The following SLC25A17 variants were observed in gnomAD, a reference collection of about 807,000 sequenced individuals.
SLC25A17 encodes the protein solute carrier family 25 member 17, also known as peroxisomal membrane protein PMP34.
In SLC25A17, 26 loss-of-function variants were observed where a neutral mutation model predicts 38.5. The ratio of observed to expected loss-of-function variants is 0.68; its 90% CI spans 0.50 to 0.94. The LOEUF (loss-of-function observed/expected upper bound fraction) is 0.94, where lower values mean the gene tolerates loss of function less well. Among genes scored for constraint, SLC25A17 ranks in the 40% least tolerant of loss-of-function variants. The pLI is 0.00. For synonymous variants in SLC25A17, 139 were observed against 136.2 expected (o/e 1.02, Z -0.14); for missense variants, 333 against 372.7 (o/e 0.89, Z 0.88).
Position 40,789,174 on chromosome 22 carries a change from T to C in SLC25A17, c.334+3351A>G, listed in dbSNP as rs891657150. On this transcript the variant is annotated intron_variant, in intron 4 of 8. Coordinates refer to ENST00000435456, the MANE Select transcript of SLC25A17 (RefSeq NM_006358.4). This position sits in a 1 kb window ranked among gnomAD's most constrained non-coding sequence, Gnocchi z 4.5. ...GCTCAGGAAAATTAGCTGTGGGGGA[T>C]GCCCAGCTGCTTGTAGCCACGGCCG... The C allele has an allele frequency of 1.6e-5, 4 of 257,290 alleles. No individual in the cohort carries two copies. Among genetic ancestry groups the C allele is most frequent in the East Asian group, 1.0e-4 (1 of 9,570 alleles). The allele number at this position is 257,290 out of a possible 1,614,324, so 15.9% of individuals were successfully genotyped here.
chr22:40,771,460 T>C (rs2057182567), intron 8 of SLC25A17, among the ~76,000 whole-genome samples: 3 of 152,324 alleles, frequency 2.0e-5, no homozygotes, highest in Admixed American at 6.5e-5. Context: ...GCAAGCTACA[T>C]GTCCATCAAC....
intron 1 of SLC25A17, among the ~76,000 whole-genome samples, chr22:40,805,362 AAGAT>A (rs1401840762): frequency 6.6e-6 from 1 of 152,268 alleles, no homozygotes; most frequent in Non-Finnish European, 1.5e-5. Flanking sequence ...GTCTCAAAAA[AAGAT>A]AGCAGAGGAA....
chr22:40,772,646 A>AT (rs1046183043), intron 8 of SLC25A17, among the ~76,000 whole-genome samples: 86 of 139,574 alleles, frequency 6.2e-4, no homozygotes, highest in East Asian at 4.2e-3. Context: ...TTTTTTTTTT[A>AT]TTTTTTTTAT....
chr22:40,807,889 T>C (rs1233324307), intron 1 of SLC25A17, among the ~76,000 whole-genome samples: 3 of 152,206 alleles, frequency 2.0e-5, no homozygotes, highest in African/African-American at 7.2e-5. Context: ...AGCTGTTACC[T>C]GAAGCAAAAT....
chr22:40,778,060 G>T (rs1249621479), intron 5 of SLC25A17, among the ~76,000 whole-genome samples: 2 of 152,116 alleles, frequency 1.3e-5, no homozygotes, highest in African/African-American at 2.4e-5. Context: ...TATTATACAG[G>T]ATTTGACTTT....
intron 4 of SLC25A17, among the ~76,000 whole-genome samples, chr22:40,790,639 G>A (rs1436021569): frequency 6.6e-6 from 1 of 152,178 alleles, no homozygotes; most frequent in Non-Finnish European, 1.5e-5. Flanking sequence ...GACAGAGAGA[G>A]TAACACAGGG....
At chr22:40,814,736 G>A (rs2057617644) in intron 1 of SLC25A17, among the ~76,000 whole-genome samples, 1 of 147,904 alleles carries the variant, frequency 6.8e-6, no homozygotes, top group Non-Finnish European at 1.5e-5. Flanking sequence ...GTAGGATGAG[G>A]AAAGGCAGTA....
intron 1 of SLC25A17, among the ~76,000 whole-genome samples, chr22:40,804,978 G>C (rs567816882): frequency 6.6e-6 from 1 of 151,452 alleles, no homozygotes; most frequent in East Asian, 1.9e-4. Context: ...AGGAAAGAAA[G>C]AGAAGGAAGG....
chr22:40,811,160 T>A (rs1195446320), intron 1 of SLC25A17, among the ~76,000 whole-genome samples: 1 of 152,046 alleles, frequency 6.6e-6, no homozygotes, highest in Non-Finnish European at 1.5e-5. Context: ...TGAATCCCTC[T>A]CTTTATTCTC....
At chr22:40,812,860 T>TA (rs1403577410) in intron 1 of SLC25A17, among the ~76,000 whole-genome samples, 1 of 151,926 alleles carries the variant, frequency 6.6e-6, no homozygotes, top group Non-Finnish European at 1.5e-5. Context: ...CAGTGAGACT[T>TA]AGTCTCAAAA....
Position 40,792,535 on chromosome 22 carries a change from C to G in SLC25A17, c.324G>C (p.Gly108=). ...AGAAAACCTTGTTACCTGCAACAAA[C>G]CCAACTACCAGATCTTTTCCAGTGG... is the stretch of plus-strand genomic sequence containing the variant. ...HSTTGKDLVV[G]FVAGVVNVLL... Residue 108 remains glycine, a synonymous_variant, in exon 4 of 9, where the codon GGG becomes GGC. Coordinates refer to ENST00000435456, the MANE Select transcript of SLC25A17 (RefSeq NM_006358.4). The G allele has an allele frequency of 6.2e-7, 1 of 1,608,836 alleles. No homozygotes were observed. Among genetic ancestry groups the G allele is most frequent in the Non-Finnish European group, 8.5e-7 (1 of 1,177,398 alleles).
chr22:40,813,153 A>C (rs1266134273), intron 1 of SLC25A17, among the ~76,000 whole-genome samples: 1 of 152,214 alleles, frequency 6.6e-6, no homozygotes, highest in Non-Finnish European at 1.5e-5. Flanking sequence ...TATATATTAC[A>C]TAAGTAACTT....
At chr22:40,814,072 G>C (rs544452893) in intron 1 of SLC25A17, 1 of 152,284 alleles carries the variant, frequency 6.6e-6, no homozygotes, top group East Asian at 1.9e-4. Flanking sequence ...CTCCATCTTA[G>C]AAAAAGACTC....
At chr22:40,781,852 G>A (rs1451800714) in intron 4 of SLC25A17, among the ~76,000 whole-genome samples, 2 of 152,056 alleles carry the variant, frequency 1.3e-5, no homozygotes, top group African/African-American at 2.4e-5. Flanking sequence ...AACCATTCGT[G>A]AGTACCAATT....
chr22:40,816,689 C>A (rs2057644027), intron 1 of SLC25A17, among the ~76,000 whole-genome samples: 1 of 150,990 alleles, frequency 6.6e-6, no homozygotes, highest in South Asian at 2.1e-4. Flanking sequence ...TGGCTCACTG[C>A]AACCTCTGCC....
chr22:40,777,229 T>G lies in SLC25A17; in HGVS notation c.596A>C (p.Lys199Thr), dbSNP rs374275689. Residue 199 changes from lysine (K) to threonine (T), a missense_variant and splice_region_variant, in exon 6 of 9, where the codon AAG (lysine) becomes ACG (threonine). By Grantham distance (78) the Lys-to-Thr change is moderately conservative. Coordinates refer to ENST00000435456, the MANE Select transcript of SLC25A17 (RefSeq NM_006358.4). ...ACTGCTTTCAAAATCAAGGATTACC[T>G]TCATCCGTTTCTTTAAAAGCTGCCG... is the stretch of plus-strand genomic sequence containing the variant. ...LKRQLLKKRMKLSSLDVFIIG... is the reference protein window; with the variant it reads ...LKRQLLKKRMTLSSLDVFIIG... 2.3e-5 allele frequency: 37 copies of G among 1,613,858 alleles called. No homozygotes were observed. Among genetic ancestry groups the G allele is most frequent in the Non-Finnish European group, 3.1e-5 (37 of 1,179,854 alleles).
chr22:40,818,706 G>GAA (rs397868143), intron 1 of SLC25A17, among the ~76,000 whole-genome samples: 83 of 93,084 alleles, frequency 8.9e-4, no homozygotes, highest in African/African-American at 2.9e-3. Flanking sequence ...ACCCTGTCCG[G>GAA]AAAAAAAAAA....
chr22:40,777,685 G>A (rs774948921), intron 5 of SLC25A17, among the ~76,000 whole-genome samples: 6 of 151,882 alleles, frequency 4.0e-5, no homozygotes, highest in Non-Finnish European at 5.9e-5. Context: ...GGGGGGCTGA[G>A]GCAGGAGAAT....
intron 1 of SLC25A17, among the ~76,000 whole-genome samples, chr22:40,807,390 G>T (rs1439057888): frequency 2.0e-5 from 3 of 152,078 alleles, no homozygotes; most frequent in Non-Finnish European, 4.4e-5. Flanking sequence ...TTGAACATAG[G>T]CAGCCTGACT....
Sources: gnomAD v4.1 joint callset for allele counts (sites outside exome capture counted in the v4.1 genomes callset) on GRCh38, gnomAD v4.1.1 for gene constraint, Gnocchi (gnomAD v3.1) non-coding constraint, MANE v1.5 for transcripts, NCBI Gene and HGNC (gene_info 2026-07-23, HGNC 2026-07-21) for gene names.